The following ANXA4 variants were observed in gnomAD, a reference collection of about 807,000 sequenced individuals.
ANXA4 encodes annexin A4, also known as 35-beta calcimedin.
A neutral mutation model predicts 49.8 loss-of-function variants in ANXA4; 39 were observed. That is an observed-to-expected ratio of 0.78 (90% CI 0.61 to 1.02). The LOEUF is 1.02. Ranked by LOEUF, ANXA4 falls within the 50% of genes least tolerant of loss-of-function variation. The pLI is 0.00. For missense variants in ANXA4, 360 were observed against 410.1 expected, an observed-to-expected ratio of 0.88 and a Z score of 1.05; for synonymous variants, 134 against 152.5, an observed-to-expected ratio of 0.88 and a Z score of 0.89.
At chr2:69,713,031 T>G (rs1678723812) in intron 2 of ANXA4, among the ~76,000 whole-genome samples, 1 of 152,114 alleles carries the variant, frequency 6.6e-6, no homozygotes, top group Non-Finnish European at 1.5e-5. Context: ...CACTCTGACC[T>G]TGCTCACTTT....
At chr2:69,679,836 G>A (rs80240862) in intron 2 of ANXA4, among the ~76,000 whole-genome samples, 16 of 152,138 alleles carry the variant, frequency 1.1e-4, no homozygotes, top group South Asian at 2.1e-4. Context: ...ATTTACTTCC[G>A]GATTCTGTGT....
chr2:69,794,116 A>G (rs1238055198), intron 3 of ANXA4, among the ~76,000 whole-genome samples: 1 of 152,242 alleles, frequency 6.6e-6, no homozygotes, highest in Non-Finnish European at 1.5e-5. Flanking sequence ...CTCTGGGAGA[A>G]AGTGGCTGGG....
intron 1 of ANXA4, among the ~76,000 whole-genome samples, chr2:69,748,645 A>C (rs1006835368): frequency 2.0e-5 from 3 of 151,580 alleles, no homozygotes; most frequent in Non-Finnish European, 4.4e-5. Context: ...TTATACATGA[A>C]GGAAAATCAC....
intron 1 of ANXA4, among the ~76,000 whole-genome samples, chr2:69,649,766 C>T (rs901377479): frequency 4.0e-5 from 6 of 150,970 alleles, no homozygotes; most frequent in African/African-American, 1.2e-4. Flanking sequence ...CTCACACCAC[C>T]ACGTCTGGCT....
intron 12 of ANXA4, among the ~76,000 whole-genome samples, chr2:69,821,695 A>C (rs1408809465): frequency 6.6e-6 from 1 of 151,836 alleles, no homozygotes; most frequent in Non-Finnish European, 1.5e-5. Context: ...CAAGTGATCC[A>C]CCCGTCTCGG....
chr2:69,663,130 C>G (rs917357537), intron 2 of ANXA4, among the ~76,000 whole-genome samples: 2 of 149,660 alleles, frequency 1.3e-5, no homozygotes, highest in African/African-American at 4.9e-5. Flanking sequence ...GTAGCTGGGA[C>G]TACAGGCGCC....
intron 1 of ANXA4, among the ~76,000 whole-genome samples, chr2:69,646,442 C>T (rs1223676639): frequency 1.3e-5 from 2 of 152,172 alleles, no homozygotes; most frequent in East Asian, 3.9e-4. Flanking sequence ...AAATAATTTA[C>T]TTTAAATGTG....
chr2:69,656,013 T>C (rs142405449), intron 2 of ANXA4, among the ~76,000 whole-genome samples: 2,519 of 151,662 alleles, frequency 0.017, 69 homozygotes, highest in African/African-American at 0.058. Flanking sequence ...CATCACACAC[T>C]GGGGCCTGTC....
At chr2:69,805,428 A>G (rs1673402860) in intron 4 of ANXA4, among the ~76,000 whole-genome samples, 1 of 151,952 alleles carries the variant, frequency 6.6e-6, no homozygotes, top group African/African-American at 2.4e-5. Flanking sequence ...ACATGGTGAA[A>G]CCCCGTCTCT....
chr2:69,772,350 G>A (rs994871167), intron 1 of ANXA4, among the ~76,000 whole-genome samples: 1 of 152,240 alleles, frequency 6.6e-6, no homozygotes, highest in Non-Finnish European at 1.5e-5. Context: ...ATCAAGGAAG[G>A]TGAGATAGCA....
At chr2:69,707,414 C>T (rs1462678839) in intron 2 of ANXA4, among the ~76,000 whole-genome samples, 2 of 152,146 alleles carry the variant, frequency 1.3e-5, no homozygotes, top group African/African-American at 4.8e-5. Context: ...GCCAATATTC[C>T]AGGAATCCCA....
Position 69,755,618 on chromosome 2 carries a change from T to A in ANXA4, c.-47+13443T>A, listed in dbSNP as rs567242418. 1.5e-3 allele frequency among the ~76,000 whole-genome samples: 226 copies of A among 152,218 alleles called. 6 individuals carry two copies. In the South Asian group the frequency reaches 0.039, roughly 26 times the overall value. On this transcript the variant is annotated intron_variant, in intron 1 of 12. Coordinates refer to ENST00000394295, the MANE Select transcript of ANXA4 (RefSeq NM_001153.5). ...ATGGTGAGACCCTACCTCAAAAAAA[T>A]TTTTTTAATGGTTAAAATGGTAAAT...
At chr2:69,711,350 A>G (rs990525388) in intron 2 of ANXA4, among the ~76,000 whole-genome samples, 1 of 152,226 alleles carries the variant, frequency 6.6e-6, no homozygotes, top group Non-Finnish European at 1.5e-5. Flanking sequence ...ATTTAATGCA[A>G]TATTTCTCAG....
chr2:69,728,660 A>C (rs1670022884), intron 3 of ANXA4, among the ~76,000 whole-genome samples: 1 of 152,236 alleles, frequency 6.6e-6, no homozygotes, highest in Admixed American at 6.5e-5. Context: ...ACTTTGTCAT[A>C]AATCAGGTGA....
In ANXA4 at chr2:69,778,269, G is replaced by A. The variant is rs554414849; in HGVS notation, c.-46-3251G>A. The stretch of plus-strand genomic sequence containing the variant: ...TTCGTTCTAAAATTTGTTGTTGGTG[G>A]CAAAGAGGTTGAATAGAAGTTATAA... On this transcript the variant is annotated intron_variant, in intron 1 of 12. Coordinates refer to ENST00000394295, the MANE Select transcript of ANXA4 (RefSeq NM_001153.5). 1.3e-4 allele frequency among the ~76,000 whole-genome samples: 20 copies of A among 152,260 alleles called. No homozygotes were observed. In the South Asian group the frequency reaches 3.9e-3, roughly 30 times the overall value.
chr2:69,802,336 G>A (rs1263162000), intron 3 of ANXA4, among the ~76,000 whole-genome samples: 1 of 152,160 alleles, frequency 6.6e-6, no homozygotes, highest in Non-Finnish European at 1.5e-5. Context: ...AATAAAAAGA[G>A]TGAAAGAATG....
intron 1 of ANXA4, among the ~76,000 whole-genome samples, chr2:69,765,635 C>G (rs150637300): frequency 6.6e-6 from 1 of 152,152 alleles, no homozygotes; most frequent in African/African-American, 2.4e-5. Flanking sequence ...TAGCTTTGTT[C>G]GTTCTAGCGT....
intron 1 of ANXA4, among the ~76,000 whole-genome samples, chr2:69,743,264 C>T (rs773665874): frequency 4.6e-5 from 7 of 152,108 alleles, no homozygotes; most frequent in Non-Finnish European, 8.8e-5. Context: ...GTTGCCCAGG[C>T]TGGAGCGCAG....
At chr2:69,696,377 C>G (rs1678160513) in intron 2 of ANXA4, among the ~76,000 whole-genome samples, 1 of 152,176 alleles carries the variant, frequency 6.6e-6, no homozygotes, top group Non-Finnish European at 1.5e-5. Context: ...AGTCACATCT[C>G]CAGGTACCAC....
Sources: gnomAD v4.1 joint callset for allele counts (sites outside exome capture counted in the v4.1 genomes callset) on GRCh38, gnomAD v4.1.1 for gene constraint, MANE v1.5 for transcripts, NCBI Gene and HGNC (gene_info 2026-07-23, HGNC 2026-07-21) for gene names.